Variants in USP8 observed in about 807,000 individuals in gnomAD.
USP8 encodes ubiquitin specific peptidase 8.
Under a neutral mutation model 130.0 loss-of-function variants are expected in USP8, and 27 were observed. That is an observed-to-expected ratio of 0.21 (90% CI 0.15 to 0.29). USP8 has a LOEUF of 0.29. Ranked by LOEUF, USP8 falls within the 10% of genes least tolerant of loss-of-function variation. The probability of loss-of-function intolerance (pLI) is 1.00; values close to 1 mark genes in which losing one functional copy is unlikely to be tolerated. For missense variants in USP8, 1,029 were observed against 1,312.2 expected (o/e 0.78, Z 3.33); for synonymous variants, 392 against 444.1 (o/e 0.88, Z 1.48).
chr15:50,430,553 A>G (rs2049897684), intron 1 of USP8, among the ~76,000 whole-genome samples: 1 of 151,812 alleles, frequency 6.6e-6, no homozygotes, highest in Admixed American at 6.6e-5. Flanking sequence ...GCATGCCACC[A>G]TGCCCTGCTA....
intron 3 of USP8, among the ~76,000 whole-genome samples, chr15:50,445,851 C>T (rs900622647): frequency 2.1e-4 from 30 of 140,246 alleles, no homozygotes; most frequent in African/African-American, 7.0e-4. Flanking sequence ...AGCAAGACTC[C>T]GTCTCAAAAA....
rs1342169149 is a variant in USP8 at position 50,424,525 on chromosome 15, G to T, written c.-66+11G>T. On this transcript the variant is annotated intron_variant, in intron 1 of 19. Transcript: ENST00000307179. Reference sequence around the variant, plus strand: ...GCGCCCGGCGTCACGGTGAGTGCGGGTCTTGGGCCCTAGCACCTGTTCTCT... The same window carrying T: ...GCGCCCGGCGTCACGGTGAGTGCGGTTCTTGGGCCCTAGCACCTGTTCTCT... The T allele has an allele frequency of 2.5e-6, 1 of 398,598 alleles. No homozygotes were observed. Among genetic ancestry groups the T allele is most frequent in the African/African-American group, 2.1e-5 (1 of 48,656 alleles). 24.7% of individuals were successfully genotyped at this position (398,598 alleles called of 1,614,324 possible). A position where few individuals can be genotyped will look rare whatever the true frequency, so the allele number is the denominator to read the frequency against.
At position 50,500,478 on chromosome 15, in the gene USP8, A is replaced by G. The variant is rs2052563080; in HGVS notation, c.*1390A>G. ...ACACTGCCTTTTTTAGTGAACCAAG[A>G]CCCATCTTCTGGACGACAGATTTAT... On this transcript the variant is annotated 3_prime_UTR_variant, in exon 20 of 20. Coordinates refer to ENST00000307179, the MANE Select transcript of USP8 (RefSeq NM_005154.5). 1 of 312,422 alleles carries G rather than the reference A, an allele frequency of 3.2e-6. No homozygotes were observed. Among genetic ancestry groups the G allele is most frequent in the Non-Finnish European group, 6.1e-6 (1 of 162,612 alleles). 19.4% of individuals were successfully genotyped at this position (312,422 alleles called of 1,614,324 possible).
intron 1 of USP8, among the ~76,000 whole-genome samples, chr15:50,437,760 G>C (rs1277871148): frequency 3.3e-5 from 5 of 152,266 alleles, no homozygotes; most frequent in African/African-American, 7.2e-5. Context: ...TACCTCGCTA[G>C]AAGGACATAT....
intron 4 of USP8, among the ~76,000 whole-genome samples, chr15:50,453,744 A>G (rs2050696793): frequency 6.6e-6 from 1 of 150,450 alleles, no homozygotes; most frequent in Non-Finnish European, 1.5e-5. Context: ...TTATGCCTTT[A>G]GTTCTCTCAG....
At chr15:50,433,940 T>C (rs996472177) in intron 1 of USP8, among the ~76,000 whole-genome samples, 1 of 152,230 alleles carries the variant, frequency 6.6e-6, no homozygotes, top group African/African-American at 2.4e-5. Flanking sequence ...TCAACACTTT[T>C]GGGTTTCACT....
At position 50,476,839 on chromosome 15, in the gene USP8, T is replaced by C; in HGVS notation, c.850-10T>C. On this transcript the variant is annotated splice_polypyrimidine_tract_variant and intron_variant, in intron 8 of 19. Transcript: ENST00000307179. ...CTGCCCTATTTAAAATATGATTTCCTTATTTATAGTGGGAAAGTAAAACTG... is the reference window on the plus strand; with the variant it reads ...CTGCCCTATTTAAAATATGATTTCCCTATTTATAGTGGGAAAGTAAAACTG... 1 of 1,542,410 alleles carries C rather than the reference T, an allele frequency of 6.5e-7. No homozygotes were observed. The highest frequency in any genetic ancestry group is 2.4e-5 in the East Asian group (1 of 41,698).
Position 50,508,665 on chromosome 15 carries a change from A to AT in USP8, c.*9580dup, listed in dbSNP as rs549568479. On this transcript the variant is annotated 3_prime_UTR_variant, in exon 20 of 20. Transcript: ENST00000307179. The stretch of plus-strand genomic sequence containing the variant: ...AGAAAACAAAGATGTAATACAGAAG[A>AT]TTTAAAAAAAGGTAAAAGTTGGTGT... 6.6e-6 allele frequency: 1 copy of AT among 152,226 alleles called. No individual in the cohort carries two copies. The highest frequency in any genetic ancestry group is 1.5e-5 in the Non-Finnish European group (1 of 68,042). The allele number at this position is 152,226 out of a possible 1,614,324, so 9.4% of individuals were successfully genotyped here. A position where few individuals can be genotyped will look rare whatever the true frequency, so the allele number is the denominator to read the frequency against.
chr15:50,465,104 T>A lies in USP8; in HGVS notation c.599T>A (p.Ile200Asn). The A allele has an allele frequency of 6.2e-7, 1 of 1,614,098 alleles. No homozygotes were observed. The highest frequency in any genetic ancestry group is 8.5e-7 in the Non-Finnish European group (1 of 1,180,002). ...ATGACGGATAAAAACATCAGCTTGATTATAATGGATGCTCGAAGAATGCAG... is the reference window on the plus strand; with the variant it reads ...ATGACGGATAAAAACATCAGCTTGAATATAATGGATGCTCGAAGAATGCAG... ...TMMTDKNISL[I>N]IMDARRMQDY... The change falls in exon 7 of 20, where the codon ATT (isoleucine) becomes AAT (asparagine). Residue 200 changes from isoleucine to asparagine, a missense_variant. By Grantham distance (149) the Ile-to-Asn change is moderately radical (BLOSUM62 -3). Coordinates refer to ENST00000307179, the MANE Select transcript of USP8 (RefSeq NM_005154.5).
At chr15:50,443,370 T>C (rs1195238092) in intron 3 of USP8, among the ~76,000 whole-genome samples, 1 of 151,862 alleles carries the variant, frequency 6.6e-6, no homozygotes, top group Non-Finnish European at 1.5e-5. Context: ...TTTAGAGGAG[T>C]GTGACTTTTG....
chr15:50,470,602 CTTT>C (rs869062114), intron 7 of USP8, among the ~76,000 whole-genome samples: 10 of 132,380 alleles, frequency 7.6e-5, no homozygotes, highest in African/African-American at 1.4e-4. Flanking sequence ...AGGACTTTAG[CTTT>C]TTTTTTTTTT....
intron 2 of USP8, among the ~76,000 whole-genome samples, chr15:50,439,963 C>T (rs2050202887): frequency 6.6e-6 from 1 of 152,090 alleles, no homozygotes; most frequent in Admixed American, 6.6e-5. Flanking sequence ...TGGCATAGGC[C>T]TATAATCCCA....
At chr15:50,489,776 A>T (rs1356430843) in intron 12 of USP8, 25 bp from the exon 13 acceptor site, 2 of 1,392,540 alleles carry the variant, frequency 1.4e-6, no homozygotes, top group Admixed American at 2.9e-5. Flanking sequence ...TTTTTTTTTA[A>T]TTTTTTTTAT....
chr15:50,478,424 T>C (rs1269910105), intron 10 of USP8, among the ~76,000 whole-genome samples: 1 of 152,158 alleles, frequency 6.6e-6, no homozygotes, highest in Admixed American at 6.6e-5. Context: ...TCCCCAGATA[T>C]ATTTAAAACA....
Position 50,439,032 on chromosome 15 carries a change from A to G in USP8, c.-42A>G, listed in dbSNP as rs1441646025. On this transcript the variant is annotated 5_prime_UTR_variant, in exon 2 of 20. The change creates a new upstream start codon in the 5' untranslated region. Coordinates refer to ENST00000307179, the MANE Select transcript of USP8 (RefSeq NM_005154.5). ...AGGAAAGAAGCACTTGTAAGGAAAT[A>G]TAGCATCCATTGTGAAAGTGGAAAA... 2 of 1,362,204 alleles carry G rather than the reference A, an allele frequency of 1.5e-6. No homozygotes were observed. The highest frequency in any genetic ancestry group is 2.1e-6 in the Non-Finnish European group (2 of 959,672). 84.4% of individuals were successfully genotyped at this position (1,362,204 alleles called of 1,614,324 possible).
chr15:50,482,394 CCTT>C (rs1290601233), intron 11 of USP8, among the ~76,000 whole-genome samples: 4 of 152,098 alleles, frequency 2.6e-5, no homozygotes, highest in Non-Finnish European at 5.9e-5. Context: ...AATATAATCT[CCTT>C]CTCAGTATGG....
intron 18 of USP8, among the ~76,000 whole-genome samples, chr15:50,498,026 T>TAAAC (rs891302350): frequency 1.3e-4 from 20 of 152,200 alleles, no homozygotes; most frequent in African/African-American, 4.3e-4. Flanking sequence ...TCTGGAAGTA[T>TAAAC]AAACATTCTA....
intron 3 of USP8, among the ~76,000 whole-genome samples, 168 bp downstream of exon 3, chr15:50,441,661 A>G (rs1239882592): frequency 6.6e-6 from 1 of 152,206 alleles, no homozygotes. Context: ...TTATTTACAA[A>G]TGTGTATAAT....
At chr15:50,472,333 A>G (rs1296470516) in intron 8 of USP8, among the ~76,000 whole-genome samples, 1 of 149,838 alleles carries the variant, frequency 6.7e-6, no homozygotes, top group Non-Finnish European at 1.5e-5. Flanking sequence ...CGGTGGCTCA[A>G]GCCTGTAACC....
Sources: gnomAD v4.1 joint callset for allele counts (sites outside exome capture counted in the v4.1 genomes callset) on GRCh38, gnomAD v4.1.1 for gene constraint, MANE v1.5 for transcripts, NCBI Gene and HGNC (gene_info 2026-07-23, HGNC 2026-07-21) for gene names.